The following KCNMA1 variants were observed in gnomAD, a reference collection of about 807,000 sequenced individuals.
KCNMA1 encodes potassium calcium-activated channel subfamily M alpha 1, also known as Calcium-activated potassium channel subunit alpha-1.
KCNMA1 carries 29 observed loss-of-function variants against 140.0 expected under a neutral mutation model. The ratio of observed to expected loss-of-function variants is 0.21; its 90% CI spans 0.15 to 0.28. KCNMA1 has a LOEUF of 0.28. Ranked by LOEUF, KCNMA1 falls within the 10% of genes least tolerant of loss-of-function variation. The pLI is 1.00. For synonymous variants in KCNMA1, 612 were observed against 611.9 expected (o/e 1.00, Z 0.00); for missense variants, 880 against 1,602.2 (o/e 0.55, Z 7.70).
intron 24 of KCNMA1, 81 bp downstream of exon 24, chr10:76,914,855 G>A (rs2052075097): frequency 9.2e-7 from 1 of 1,083,430 alleles, no homozygotes; most frequent in Non-Finnish European, 1.4e-6. Context: ...AAAGGGCTAA[G>A]AAATAAACCA....
intron 6 of KCNMA1, among the ~76,000 whole-genome samples, chr10:77,114,669 G>A (rs951471184): frequency 3.9e-5 from 6 of 152,094 alleles, no homozygotes; most frequent in African/African-American, 9.7e-5. Flanking sequence ...CCTTAAAGTC[G>A]TTCCATCCAT....
At chr10:77,072,571 A>G (rs2096253365) in intron 14 of KCNMA1, among the ~76,000 whole-genome samples, 1 of 152,110 alleles carries the variant, frequency 6.6e-6, no homozygotes, top group Non-Finnish European at 1.5e-5. Flanking sequence ...CCGAGGACTC[A>G]GTACATTGTT....
intron 22 of KCNMA1, among the ~76,000 whole-genome samples, chr10:76,945,780 TA>T (rs1448304368): frequency 2.1e-5 from 3 of 143,228 alleles, no homozygotes. Context: ...CTACAGCAGT[TA>T]AAAAAAAGTA....
intron 14 of KCNMA1, among the ~76,000 whole-genome samples, chr10:77,063,162 C>T (rs2153677350): frequency 6.6e-6 from 1 of 152,252 alleles, no homozygotes; most frequent in Middle Eastern, 3.4e-3. Context: ...GCTGTAATCC[C>T]AGCACTTTGG....
At chr10:77,186,603 AT>A (rs1213728159) in intron 3 of KCNMA1, among the ~76,000 whole-genome samples, 2 of 152,122 alleles carry the variant, frequency 1.3e-5, no homozygotes, top group Non-Finnish European at 2.9e-5. Context: ...TTCTCAGGCC[AT>A]GGGGGTGCTT....
At chr10:77,074,649 G>A (rs138870244) in intron 13 of KCNMA1, among the ~76,000 whole-genome samples, 258 of 152,288 alleles carry the variant, frequency 1.7e-3, no homozygotes, top group African/African-American at 5.6e-3. Context: ...GCAGATTTTT[G>A]TCTTGTTTTA....
intron 2 of KCNMA1, among the ~76,000 whole-genome samples, chr10:77,396,789 A>G (rs1218794234): frequency 1.3e-5 from 2 of 152,236 alleles, no homozygotes; most frequent in African/African-American, 4.8e-5. Flanking sequence ...ATATGCTTTC[A>G]GTTCATAGAA....
intron 5 of KCNMA1, among the ~76,000 whole-genome samples, chr10:77,134,870 C>T (rs921363860): frequency 6.6e-6 from 1 of 151,096 alleles, no homozygotes; most frequent in African/African-American, 2.4e-5. Flanking sequence ...TGGTGGTGGG[C>T]ACCTGTAGTC....
At chr10:77,526,136 T>G (rs1317330704) in intron 1 of KCNMA1, among the ~76,000 whole-genome samples, 1 of 152,146 alleles carries the variant, frequency 6.6e-6, no homozygotes, top group Non-Finnish European at 1.5e-5. Flanking sequence ...TCAGACTTGG[T>G]ATAAAGCTGT....
At chr10:77,042,432 T>C (rs959774712) in intron 14 of KCNMA1, among the ~76,000 whole-genome samples, 1 of 152,210 alleles carries the variant, frequency 6.6e-6, no homozygotes, top group Non-Finnish European at 1.5e-5. Flanking sequence ...ATAATTTGTT[T>C]TATTAATGAA....
intron 1 of KCNMA1, among the ~76,000 whole-genome samples, chr10:77,548,300 C>A (rs2061925426): frequency 6.6e-6 from 1 of 152,204 alleles, no homozygotes; most frequent in South Asian, 2.1e-4. Context: ...TGCAATCATG[C>A]AGCCTTACCC....
At chr10:77,277,736 TC>T (rs2067077167) in intron 2 of KCNMA1, among the ~76,000 whole-genome samples, 1 of 152,204 alleles carries the variant, frequency 6.6e-6, no homozygotes, top group Non-Finnish European at 1.5e-5. Context: ...ATGCAAAGTG[TC>T]ATGGTCTTTC....
intron 1 of KCNMA1, among the ~76,000 whole-genome samples, chr10:77,569,853 T>C (rs935305416): frequency 2.6e-5 from 4 of 152,072 alleles, no homozygotes; most frequent in African/African-American, 4.8e-5. Context: ...AAAGGGCTAA[T>C]ATCCAGAGTC....
At chr10:77,387,578 T>C (rs2095654440) in intron 2 of KCNMA1, among the ~76,000 whole-genome samples, 1 of 150,636 alleles carries the variant, frequency 6.6e-6, no homozygotes. Context: ...TTTCTTTTTT[T>C]TCTTTTCTCT....
chr10:77,373,566 C>T (rs1342533890), intron 2 of KCNMA1: 1 of 152,174 alleles, frequency 6.6e-6, no homozygotes, highest in Non-Finnish European at 1.5e-5. Flanking sequence ...GCTATTGTTC[C>T]TAGCTCTATT....
At chr10:77,445,417 T>C (rs1368401104) in intron 1 of KCNMA1, among the ~76,000 whole-genome samples, 1 of 151,304 alleles carries the variant, frequency 6.6e-6, no homozygotes, top group African/African-American at 2.4e-5. Flanking sequence ...AAAAAAAATC[T>C]TGCAATTATT....
intron 14 of KCNMA1, among the ~76,000 whole-genome samples, chr10:77,070,559 T>A (rs761528302): frequency 6.6e-6 from 1 of 152,244 alleles, no homozygotes; most frequent in African/African-American, 2.4e-5. Context: ...TCCATCCTAA[T>A]AGGCCTGCTT....
chr10:77,445,006 C>A (rs1267525488), intron 1 of KCNMA1, among the ~76,000 whole-genome samples: 1 of 152,166 alleles, frequency 6.6e-6, no homozygotes, highest in Non-Finnish European at 1.5e-5. Flanking sequence ...GTTTCTATAG[C>A]AACCCAACTG....
At position 76,953,716 on chromosome 10, in the gene KCNMA1, A is replaced by T. The variant is rs997548846; in HGVS notation, c.2484+85T>A. On this transcript the variant is annotated intron_variant, in intron 21 of 27. Transcript: ENST00000286628. ...TTAGGACCAGGGACAGTATTATCCC[A>T]CTGTCCAACTAGGGAAACCCCATTC... The T allele has an allele frequency of 2.6e-6, 4 of 1,540,342 alleles. No individual in the cohort carries two copies. In the Admixed American group the frequency reaches 6.7e-5, roughly 26 times the overall value.
Sources: gnomAD v4.1 joint callset for allele counts (sites outside exome capture counted in the v4.1 genomes callset) on GRCh38, gnomAD v4.1.1 for gene constraint, MANE v1.5 for transcripts, NCBI Gene and HGNC (gene_info 2026-07-23, HGNC 2026-07-21) for gene names.